Variants in ASIC2 observed in about 807,000 individuals in gnomAD.
ASIC2 encodes the protein acid-sensing ion channel 2.
In ASIC2, 25 loss-of-function variants were observed where a neutral mutation model predicts 57.3. That is an observed-to-expected ratio of 0.44 (90% CI 0.32 to 0.61). The LOEUF (loss-of-function observed/expected upper bound fraction) is 0.61. Among genes scored for constraint, ASIC2 ranks in the 20% least tolerant of loss-of-function variants. ASIC2 has a pLI of 0.06. For missense variants in ASIC2, 641 were observed against 738.1 expected (o/e 0.87, Z 1.52); for synonymous variants, 319 against 307.5 (o/e 1.04, Z -0.39).
intron 1 of ASIC2, among the ~76,000 whole-genome samples, chr17:33,427,099 G>A (rs1338563380): frequency 6.6e-6 from 1 of 152,192 alleles, no homozygotes; most frequent in Non-Finnish European, 1.5e-5. Context: ...TGGGGTGGAG[G>A]ACAAGAGAAG....
intron 2 of ASIC2, among the ~76,000 whole-genome samples, chr17:33,089,382 G>A (rs908253475): frequency 6.6e-6 from 1 of 152,186 alleles, no homozygotes; most frequent in Non-Finnish European, 1.5e-5. Context: ...CTAGAAGCAG[G>A]AAAAGGCAGG....
intron 1 of ASIC2, among the ~76,000 whole-genome samples, chr17:33,232,944 G>A (rs763193432): frequency 6.6e-6 from 1 of 152,116 alleles, no homozygotes; most frequent in Non-Finnish European, 1.5e-5. Flanking sequence ...GGCACCAAGA[G>A]ATGCCCACCC....
chr17:33,312,696 AAGTTGAGGC>A (rs1435099752), intron 1 of ASIC2, among the ~76,000 whole-genome samples: 9 of 152,186 alleles, frequency 5.9e-5, no homozygotes, highest in African/African-American at 2.2e-4. Flanking sequence ...GCACTTGGGG[AAGTTGAGGC>A]AGGTGGCTTA....
rs114732691 is a variant in ASIC2 at position 33,629,943 on chromosome 17, T to A, written c.556-517876A>T. On this transcript the variant is annotated intron_variant, in intron 1 of 9. Coordinates refer to the ASIC2 transcript ENST00000359872. ...GGCTCAGCAAGACGAGGAAGGGGCT[T>A]GTTCAAGACTTGGGCATCCCTCTTG... Among the ~76,000 whole-genome samples, 444 of 152,302 alleles carry A rather than the reference T, an allele frequency of 2.9e-3. 4 individuals carry two copies. The highest frequency in any genetic ancestry group is 0.01 in the African/African-American group (426 of 41,568).
intron 1 of ASIC2, among the ~76,000 whole-genome samples, chr17:33,222,008 T>C (rs971870434): frequency 1.5e-4 from 23 of 152,190 alleles, no homozygotes; most frequent in Non-Finnish European, 2.5e-4. Context: ...AAGGCTATCC[T>C]GGAAACTTAA....
intron 1 of ASIC2, among the ~76,000 whole-genome samples, chr17:33,277,246 C>G (rs186928248): frequency 6.6e-6 from 1 of 152,184 alleles, no homozygotes; most frequent in Non-Finnish European, 1.5e-5. Flanking sequence ...AAGACTTCCC[C>G]TGGGAGGTGA....
chr17:33,330,817 A>G (rs1228988222), intron 1 of ASIC2, among the ~76,000 whole-genome samples: 1 of 152,170 alleles, frequency 6.6e-6, no homozygotes, highest in Admixed American at 6.5e-5. Context: ...TGGGGTCGAC[A>G]TCTTCATTTT....
chr17:33,751,951 G>A (rs2701494), intron 1 of ASIC2, among the ~76,000 whole-genome samples: 50,098 of 133,070 alleles, frequency 0.38, 10,631 homozygotes, highest in Non-Finnish European at 0.48. Context: ...GGGGTGAGGG[G>A]TGGGGTGGGG....
intron 7 of ASIC2, 24 bp downstream of exon 7, chr17:33,021,195 T>C (rs1229440201): frequency 1.8e-6 from 1 of 542,598 alleles, no homozygotes; most frequent in African/African-American, 2.0e-5. Context: ...GATGTGGAAA[T>C]TTGTGCAATA....
chr17:33,964,605 C>A (rs973190199), intron 1 of ASIC2, among the ~76,000 whole-genome samples: 1 of 152,246 alleles, frequency 6.6e-6, no homozygotes, highest in Non-Finnish European at 1.5e-5. Context: ...TGATTTCTTT[C>A]ACTTTCATCC....
chr17:33,051,573 G>A (rs1283112927), intron 3 of ASIC2, among the ~76,000 whole-genome samples: 1 of 152,170 alleles, frequency 6.6e-6, no homozygotes, highest in Non-Finnish European at 1.5e-5. Context: ...ACTGAGTTGA[G>A]GTTGGAGTCA....
intron 1 of ASIC2, among the ~76,000 whole-genome samples, chr17:33,402,296 T>G (rs1910312862): frequency 6.6e-6 from 1 of 152,190 alleles, no homozygotes; most frequent in South Asian, 2.1e-4. Context: ...TTATTTTATT[T>G]TTTTAAGTTC....
chr17:33,982,466 A>G (rs1045350509), intron 1 of ASIC2, among the ~76,000 whole-genome samples: 9 of 152,268 alleles, frequency 5.9e-5, no homozygotes, highest in South Asian at 2.1e-4. Flanking sequence ...CTCCTGAAGG[A>G]GACAGATTAA....
intron 3 of ASIC2, among the ~76,000 whole-genome samples, chr17:33,077,597 A>G (rs186764397): frequency 1.3e-5 from 2 of 152,304 alleles, no homozygotes; most frequent in East Asian, 3.9e-4. Flanking sequence ...GTGAGGGACC[A>G]GAGGTATTTT....
intron 1 of ASIC2, among the ~76,000 whole-genome samples, chr17:33,675,805 C>G (rs1907801526): frequency 6.6e-6 from 1 of 152,210 alleles, no homozygotes; most frequent in African/African-American, 2.4e-5. Flanking sequence ...CTCCTGGGCT[C>G]AAGTGATCCA....
chr17:34,046,658 G>A (rs941360728), intron 1 of ASIC2, among the ~76,000 whole-genome samples: 3 of 152,172 alleles, frequency 2.0e-5, no homozygotes, highest in Admixed American at 6.5e-5. Flanking sequence ...AAGGACTAGA[G>A]ATGAAAAACC....
chr17:33,226,743 G>T (rs940622234), intron 1 of ASIC2, among the ~76,000 whole-genome samples: 1 of 151,682 alleles, frequency 6.6e-6, no homozygotes, highest in South Asian at 2.1e-4. Flanking sequence ...GGAAAGAGTG[G>T]GCCCTAAGTA....
intron 1 of ASIC2, among the ~76,000 whole-genome samples, chr17:33,439,762 T>C (rs1597728351): frequency 6.6e-6 from 1 of 152,066 alleles, no homozygotes; most frequent in South Asian, 2.1e-4. Flanking sequence ...CGGGAGGGGA[T>C]TCTACAGAAT....
intron 1 of ASIC2, among the ~76,000 whole-genome samples, chr17:34,030,351 T>C (rs1907548689): frequency 6.6e-6 from 1 of 152,196 alleles, no homozygotes; most frequent in African/African-American, 2.4e-5. Context: ...ACTATCTGAA[T>C]TAACACCATC....
Sources: gnomAD v4.1 joint callset for allele counts (sites outside exome capture counted in the v4.1 genomes callset) on GRCh38, gnomAD v4.1.1 for gene constraint, MANE v1.5 for transcripts, NCBI Gene and HGNC (gene_info 2026-07-23, HGNC 2026-07-21) for gene names.